PPP2R1B: variants seen among roughly 807,000 people sequenced by gnomAD.
PPP2R1B encodes the protein serine/threonine-protein phosphatase 2A 65 kDa regulatory subunit A beta isoform.
Under a neutral mutation model 72.7 loss-of-function variants are expected in PPP2R1B, and 58 were observed. That is an observed-to-expected ratio of 0.80 (90% CI 0.65 to 0.99). The LOEUF (loss-of-function observed/expected upper bound fraction) is 0.99, where lower values mean the gene tolerates loss of function less well. PPP2R1B is among the 50% of genes least tolerant of loss of function. The probability of loss-of-function intolerance (pLI) is 0.00; values close to 1 mark genes in which losing one functional copy is unlikely to be tolerated. For missense variants in PPP2R1B, 695 were observed against 733.6 expected (o/e 0.95, Z 0.61); for synonymous variants, 256 against 264.6 (o/e 0.97, Z 0.32).
At position 111,750,106 on chromosome 11, in the gene PPP2R1B, G is replaced by A. The variant is rs568051917; in HGVS notation, c.1338+2053C>T. ...CCATTTGCCATGCACTAATACCTCT[G>A]GTATACTTTTCAAAGAATCGGACAC... On this transcript the variant is annotated intron_variant, in intron 10 of 14. Transcript: ENST00000527614. Among the ~76,000 whole-genome samples, 62 of 152,178 alleles carry A rather than the reference G, an allele frequency of 4.1e-4. 1 individual carries two copies. The South Asian group carries it at 0.013, about 31-fold the overall frequency.
At position 111,740,440 on chromosome 11, in the gene PPP2R1B, G is replaced by A. The variant is rs1025848476; in HGVS notation, c.*1156C>T. On this transcript the variant is annotated 3_prime_UTR_variant, in exon 15 of 15. Coordinates refer to ENST00000527614, the MANE Select transcript of PPP2R1B (RefSeq NM_002716.5). ...TCACCATGTTGGTCAGGCTGATCTC[G>A]AATTCTTGACCTCAAATGATCCCAA... 7 of 975,680 alleles carry A rather than the reference G, an allele frequency of 7.2e-6. No homozygotes were observed. The highest frequency in any genetic ancestry group is 6.2e-5 in the Admixed American group (1 of 16,212). The allele number at this position is 975,680 out of a possible 1,614,324, so 60.4% of individuals were successfully genotyped here.
chr11:111,752,648 T>G (rs1270353859), intron 9 of PPP2R1B, among the ~76,000 whole-genome samples: 1 of 152,168 alleles, frequency 6.6e-6, no homozygotes, highest in East Asian at 1.9e-4. Flanking sequence ...TCAAGTTACT[T>G]TAACCCTCTA....
chr11:111,702,254 A>G, the PPP2R1B span, among the ~76,000 whole-genome samples: 1 of 152,204 alleles, frequency 6.6e-6, no homozygotes, highest in Admixed American at 6.5e-5. Flanking sequence ...GGAAATAACA[A>G]TAGCACCTAC....
chr11:111,729,194 C>G (rs1050190568), intron 15 of PPP2R1B: 1 of 152,240 alleles, frequency 6.6e-6, no homozygotes, highest in Non-Finnish European at 1.5e-5. Context: ...AGCCATCCTA[C>G]GTGCACCCCC....
At chr11:111,731,376 G>A (rs1944186337) in intron 15 of PPP2R1B, among the ~76,000 whole-genome samples, 1 of 152,236 alleles carries the variant, frequency 6.6e-6, no homozygotes, top group Non-Finnish European at 1.5e-5. Context: ...CCTCGACACT[G>A]CACGTGCGCT....
At chr11:111,707,465 G>T in the PPP2R1B span, among the ~76,000 whole-genome samples, 1 of 152,102 alleles carries the variant, frequency 6.6e-6, no homozygotes, top group Non-Finnish European at 1.5e-5. Flanking sequence ...TTTACTTTAT[G>T]CATTGACCCA....
rs143508826 is a variant in PPP2R1B at position 111,761,700 on chromosome 11, C to T, written c.307-649G>A. Among the ~76,000 whole-genome samples, 1,034 of 152,336 alleles carry T rather than the reference C, an allele frequency of 6.8e-3. 16 individuals carry two copies. Among genetic ancestry groups the T allele is most frequent in the African/African-American group, 0.023 (966 of 41,580 alleles). On this transcript the variant is annotated intron_variant, in intron 3 of 14. Transcript: ENST00000527614. ...ACTGGCCAGGCACGGTGGCTCACAC[C>T]TGTAATCCCAGCCGTCGGGAGGCCG... is the stretch of plus-strand genomic sequence containing the variant.
chr11:111,729,955 T>C (rs535308037), intron 15 of PPP2R1B: 15 of 152,398 alleles, frequency 9.8e-5, no homozygotes, highest in Admixed American at 3.3e-4. Context: ...CCTTCCTCAA[T>C]TGCCAAGGGG....
the PPP2R1B span, among the ~76,000 whole-genome samples, chr11:111,704,233 C>T: frequency 2.0e-5 from 3 of 152,230 alleles, no homozygotes; most frequent in South Asian, 6.2e-4. Flanking sequence ...AGTAGCTGGG[C>T]GTGTGATTCC....
rs1555050792 is a variant in PPP2R1B at position 111,759,948 on chromosome 11, T to A, written c.543A>T (p.Gln181His). ...SNAVKAEIRQ[Q>H]FRSLCSDDTP... ...TGTCATCTGAGCACAAGGAACGGAA[T>A]TGCCTGCAACATAAAACAATGAAGG... The change falls in exon 5 of 15, where the codon CAA becomes CAT. Residue 181 changes from glutamine (Q) to histidine (H), a missense_variant. Transcript: ENST00000527614. 6 of 1,613,642 alleles carry A rather than the reference T, an allele frequency of 3.7e-6. No homozygotes were observed. Among genetic ancestry groups the A allele is most frequent in the Non-Finnish European group, 5.1e-6 (6 of 1,179,830 alleles).
intron 3 of PPP2R1B, among the ~76,000 whole-genome samples, chr11:111,763,622 G>C (rs1305740367): frequency 6.6e-6 from 1 of 152,154 alleles, no homozygotes; most frequent in Non-Finnish European, 1.5e-5. Flanking sequence ...AATTACTAAT[G>C]GATTAGATGT....
the PPP2R1B span, among the ~76,000 whole-genome samples, chr11:111,697,086 GGTGGTGGTTA>G: frequency 6.6e-6 from 1 of 152,146 alleles, no homozygotes; most frequent in African/African-American, 2.4e-5. Context: ...GAGACATAAA[GGTGGTGGTTA>G]ACAATGAAGG....
chr11:111,715,955 C>T, the PPP2R1B span, among the ~76,000 whole-genome samples: 2 of 151,926 alleles, frequency 1.3e-5, no homozygotes, highest in African/African-American at 4.8e-5. Flanking sequence ...GCGCCTGCCA[C>T]CACACCCAGC....
chr11:111,721,277 C>G, the PPP2R1B span, among the ~76,000 whole-genome samples: 1 of 152,150 alleles, frequency 6.6e-6, no homozygotes, highest in Non-Finnish European at 1.5e-5. Flanking sequence ...CAGATGGAGG[C>G]CTGGACACTC....
chr11:111,766,337 T>C lies in PPP2R1B; in HGVS notation c.25A>G (p.Thr9Ala), dbSNP rs1555053210. 3.2e-6 allele frequency: 5 copies of C among 1,573,054 alleles called. No individual in the cohort carries two copies. Among genetic ancestry groups the C allele is most frequent in the Non-Finnish European group, 4.3e-6 (5 of 1,164,068 alleles). The change falls in exon 1 of 15, where the codon ACC becomes GCC. Residue 9 changes from threonine (T) to alanine (A), a missense_variant. Thr to Ala is a moderately conservative substitution (Grantham distance 58). Coordinates refer to ENST00000527614, the MANE Select transcript of PPP2R1B (RefSeq NM_002716.5). The part of the protein sequence containing the change: MAGASELG[T>A]GPGAAGGDGD... ...TCTCCACCCGCTGCTCCTGGGCCGG[T>C]CCCGAGCTCTGATGCGCCCGCCATG... is the stretch of plus-strand genomic sequence containing the variant.
chr11:111,719,116 G>T, the PPP2R1B span, among the ~76,000 whole-genome samples: 1 of 152,218 alleles, frequency 6.6e-6, no homozygotes, highest in Admixed American at 6.5e-5. Flanking sequence ...TTTTGGGCCA[G>T]TGAGCCCTTT....
At chr11:111,718,476 G>A in the PPP2R1B span, among the ~76,000 whole-genome samples, 760 of 152,262 alleles carry the variant, frequency 5.0e-3, 9 homozygotes, top group African/African-American at 0.017. Context: ...TTAAATGACC[G>A]CTCATCGCTT....
chr11:111,758,157 G>A (rs376978083), intron 5 of PPP2R1B, among the ~76,000 whole-genome samples: 2 of 152,148 alleles, frequency 1.3e-5, no homozygotes, highest in African/African-American at 2.4e-5. Flanking sequence ...GAAAATTTTG[G>A]TCGAATACAA....
At chr11:111,724,359 G>T (rs1331320616), downstream of PPP2R1B, 2 of 584,266 alleles carry the variant, frequency 3.4e-6, no homozygotes, top group South Asian at 2.2e-5. Flanking sequence ...GTAGGCTGAG[G>T]CTCCTGCCCT....
Sources: gnomAD v4.1 joint callset for allele counts (sites outside exome capture counted in the v4.1 genomes callset) on GRCh38, gnomAD v4.1.1 for gene constraint, MANE v1.5 for transcripts, NCBI Gene and HGNC (gene_info 2026-07-23, HGNC 2026-07-21) for gene names.